The following CSMD1 variants were observed in gnomAD, a reference collection of about 807,000 sequenced individuals.
CSMD1 encodes the protein CUB and Sushi multiple domains 1, also known as CUB and sushi domain-containing protein 1.
In CSMD1, 213 loss-of-function variants were observed where a neutral mutation model predicts 417.5. The ratio of observed to expected loss-of-function variants is 0.51; its 90% CI spans 0.46 to 0.57. The LOEUF is 0.57. Among genes scored for constraint, CSMD1 ranks in the 20% least tolerant of loss-of-function variants. The pLI is 0.00. For missense variants in CSMD1, 6,923 were observed against 4,529.7 expected, an observed-to-expected ratio of 1.53 and a Z score of -15.17; for synonymous variants, 2,862 against 1,736.8, an observed-to-expected ratio of 1.65 and a Z score of -16.11.
intron 3 of CSMD1, among the ~76,000 whole-genome samples, chr8:4,166,105 T>A (rs933485504): frequency 2.6e-5 from 4 of 152,202 alleles, no homozygotes; most frequent in Non-Finnish European, 5.9e-5. Flanking sequence ...GATGAGGTCA[T>A]AGAGCAGCAC....
chr8:4,373,607 A>G (rs1399847862), intron 3 of CSMD1, among the ~76,000 whole-genome samples: 12 of 152,220 alleles, frequency 7.9e-5, no homozygotes, highest in Admixed American at 7.9e-4. Flanking sequence ...TGCGATGGTG[A>G]TTCATGAACA....
intron 5 of CSMD1, among the ~76,000 whole-genome samples, chr8:3,932,299 C>A (rs1000121637): frequency 2.0e-5 from 3 of 150,578 alleles, no homozygotes; most frequent in African/African-American, 7.3e-5. Context: ...TTTTGTTGCT[C>A]AGTTAAACAT....
intron 3 of CSMD1, among the ~76,000 whole-genome samples, chr8:4,258,921 G>C (rs941678666): frequency 4.6e-5 from 7 of 152,146 alleles, no homozygotes; most frequent in African/African-American, 1.4e-4. Flanking sequence ...CTAAGACTAT[G>C]TTATAGACAA....
chr8:3,844,935 T>C (rs1351315066), intron 5 of CSMD1, among the ~76,000 whole-genome samples: 1 of 152,208 alleles, frequency 6.6e-6, no homozygotes, highest in Admixed American at 6.5e-5. Flanking sequence ...ATCAGAATGC[T>C]TGATTTTTAT....
intron 1 of CSMD1, chr8:4,787,731 G>T: frequency 6.3e-7 from 1 of 1,589,870 alleles, no homozygotes; most frequent in Non-Finnish European, 8.6e-7. Flanking sequence ...ACCCACAGTG[G>T]TCTGAGGAAC....
chr8:3,456,507 G>C (rs994025476), intron 12 of CSMD1, among the ~76,000 whole-genome samples: 2 of 152,174 alleles, frequency 1.3e-5, no homozygotes, highest in African/African-American at 4.8e-5. Context: ...TGTGAATGAT[G>C]TCACCATGTG....
At chr8:4,571,392 G>A (rs1049200790) in intron 2 of CSMD1, among the ~76,000 whole-genome samples, 31 of 152,058 alleles carry the variant, frequency 2.0e-4, no homozygotes, top group Admixed American at 1.6e-3. Flanking sequence ...CCTTAATTTC[G>A]TTATTTACCC....
At chr8:4,702,523 C>T (rs1463096492) in intron 1 of CSMD1, among the ~76,000 whole-genome samples, 1 of 151,984 alleles carries the variant, frequency 6.6e-6, no homozygotes, top group African/African-American at 2.4e-5. Context: ...AAATATTTAC[C>T]AGCTTAAAAA....
Position 3,091,276 on chromosome 8 carries a change from A to G in CSMD1, c.7285+240T>C, listed in dbSNP as rs182602144. Among the ~76,000 whole-genome samples the G allele has an allele frequency of 5.0e-3, 767 of 152,208 alleles. 8 individuals are homozygous for G. Among genetic ancestry groups the G allele is most frequent in the African/African-American group, 0.018 (741 of 41,566 alleles). On this transcript the variant is annotated intron_variant, in intron 48 of 69. Coordinates refer to ENST00000635120, the MANE Select transcript of CSMD1 (RefSeq NM_033225.6). ...TTGGAAAATGTCTTTGCTTTCTATA[A>G]TATGAATTTCAGCAGTTTATAATTT...
At chr8:4,782,003 G>A (rs1453850813) in intron 1 of CSMD1, among the ~76,000 whole-genome samples, 1 of 152,078 alleles carries the variant, frequency 6.6e-6, no homozygotes, top group Non-Finnish European at 1.5e-5. Flanking sequence ...TTCCACTCTT[G>A]CCTCTATTTA....
intron 2 of CSMD1, among the ~76,000 whole-genome samples, chr8:4,529,945 C>T (rs181002724): frequency 3.5e-3 from 534 of 151,270 alleles, no homozygotes; most frequent in Non-Finnish European, 5.5e-3. Flanking sequence ...GACCGAGTCT[C>T]GATTTGTCAC....
At chr8:4,090,094 T>C (rs1187921614) in intron 3 of CSMD1, among the ~76,000 whole-genome samples, 1 of 152,208 alleles carries the variant, frequency 6.6e-6, no homozygotes, top group South Asian at 2.1e-4. Flanking sequence ...TACACTTAAA[T>C]ACACCTTTTG....
chr8:3,584,326 A>G (rs1800508440), intron 9 of CSMD1, among the ~76,000 whole-genome samples: 1 of 152,234 alleles, frequency 6.6e-6, no homozygotes, highest in East Asian at 1.9e-4. Flanking sequence ...ACTAAACCAA[A>G]CACACCAAAC....
At chr8:4,599,767 C>G (rs1206905354) in intron 2 of CSMD1, among the ~76,000 whole-genome samples, 1 of 152,180 alleles carries the variant, frequency 6.6e-6, no homozygotes, top group Non-Finnish European at 1.5e-5. Context: ...ATAATTCTCA[C>G]AGTTCACACA....
At chr8:4,686,808 G>C (rs1173976530) in intron 1 of CSMD1, among the ~76,000 whole-genome samples, 2 of 152,200 alleles carry the variant, frequency 1.3e-5, no homozygotes, top group African/African-American at 4.8e-5. Flanking sequence ...TGAAAGGTTA[G>C]AACCATGAAA....
intron 5 of CSMD1, among the ~76,000 whole-genome samples, chr8:3,965,426 C>G (rs80003160): frequency 3.3e-5 from 5 of 151,872 alleles, no homozygotes; most frequent in African/African-American, 7.3e-5. Flanking sequence ...TGATGGCCTT[C>G]GGAAAAAGGG....
chr8:3,374,174 G>A (rs982371823), intron 18 of CSMD1, among the ~76,000 whole-genome samples: 4 of 137,200 alleles, frequency 2.9e-5, no homozygotes, highest in South Asian at 2.2e-4. Context: ...GGCTAGTCTC[G>A]AACTCCTGAC....
intron 10 of CSMD1, among the ~76,000 whole-genome samples, chr8:3,566,523 C>T (rs1353478619): frequency 7.5e-6 from 1 of 133,370 alleles, no homozygotes; most frequent in Admixed American, 8.1e-5. Context: ...GTACACCCAA[C>T]CCACCTCACC....
intron 51 of CSMD1, among the ~76,000 whole-genome samples, chr8:3,023,295 C>T (rs1343281152): frequency 1.3e-5 from 2 of 152,164 alleles, no homozygotes; most frequent in Non-Finnish European, 2.9e-5. Context: ...GTGTAGCTCA[C>T]TGAGTCAGTG....
Sources: gnomAD v4.1 joint callset for allele counts (sites outside exome capture counted in the v4.1 genomes callset) on GRCh38, gnomAD v4.1.1 for gene constraint, MANE v1.5 for transcripts, NCBI Gene and HGNC (gene_info 2026-07-23, HGNC 2026-07-21) for gene names.